SLAMF7: variants seen among roughly 807,000 people sequenced by gnomAD.
The protein encoded by SLAMF7 is SLAM family member 7, also known as 19A24 protein.
Under a neutral mutation model 34.1 loss-of-function variants are expected in SLAMF7, and 26 were observed. That is an observed-to-expected ratio of 0.76 (90% confidence interval 0.56 to 1.06). The LOEUF (loss-of-function observed/expected upper bound fraction) is 1.06. Ranked by LOEUF, SLAMF7 falls within the 50% of genes least tolerant of loss-of-function variation. The pLI is 0.00. For synonymous variants in SLAMF7, 171 were observed against 156.4 expected, an observed-to-expected ratio of 1.09 and a Z score of -0.70; for missense variants, 399 against 402.5, an observed-to-expected ratio of 0.99 and a Z score of 0.07.
chr1:160,740,522 T>C (rs1663657970), intron 1 of SLAMF7, among the ~76,000 whole-genome samples: 1 of 152,124 alleles, frequency 6.6e-6, no homozygotes, highest in South Asian at 2.1e-4. Flanking sequence ...GAGACAGAGA[T>C]TGTCCTGGAA....
intron 5 of SLAMF7, chr1:160,751,840 CTCTCTCTCTCTCTCTCTCTCTCTA>C: frequency 1.7e-5 from 1 of 59,582 alleles, no homozygotes; most frequent in East Asian, 4.1e-4. Flanking sequence ...CTCTCTCTCT[CTCTCTCTCTCTCTCTCTCTCTCTA>C]TATATATATA....
rs201900899 is a variant in SLAMF7 at position 160,744,488 on chromosome 1, G to C, written c.56-3706G>C. Among the ~76,000 whole-genome samples, 9 of 152,264 alleles carry C rather than the reference G, an allele frequency of 5.9e-5. No homozygotes were observed. In the East Asian group the frequency reaches 1.7e-3, roughly 29 times the overall value. ...ATTTGCCCTGTCTCACTCTCAAACT[G>C]TATTCTAACAAGAAACAATGCGTTT... On this transcript the variant is annotated intron_variant, in intron 1 of 6. Coordinates refer to ENST00000368043, the MANE Select transcript of SLAMF7 (RefSeq NM_021181.5).
At chr1:160,739,552 G>C (rs900174771) in intron 1 of SLAMF7, 196 bp downstream of exon 1, 2 of 524,540 alleles carry the variant, frequency 3.8e-6, no homozygotes, top group Non-Finnish European at 6.8e-6. Context: ...ATGGCTCTGG[G>C]AACTGACTCC....
At chr1:160,752,605 C>T (rs1317093795) in intron 6 of SLAMF7, among the ~76,000 whole-genome samples, 1 of 152,192 alleles carries the variant, frequency 6.6e-6, no homozygotes, top group Non-Finnish European at 1.5e-5. Context: ...GTCCAGCTTT[C>T]TCCTGAGACA....
At chr1:160,750,764 G>A (rs3766374) in intron 4 of SLAMF7, 54,732 of 234,384 alleles carry the variant, frequency 0.23, 7,159 homozygotes, top group Non-Finnish European at 0.29. Context: ...GGAGGTGATG[G>A]CCTCCAACTC....
At chr1:160,746,728 A>G (rs994625442) in intron 1 of SLAMF7, among the ~76,000 whole-genome samples, 3 of 152,234 alleles carry the variant, frequency 2.0e-5, no homozygotes, top group African/African-American at 7.2e-5. Flanking sequence ...TGGGCTGCCC[A>G]TAAGGATGAG....
intron 4 of SLAMF7, 124 bp from the exon 5 acceptor site, chr1:160,751,220 CT>C (rs1664545359): frequency 1.4e-6 from 1 of 715,244 alleles, no homozygotes; most frequent in Non-Finnish European, 2.5e-6. Flanking sequence ...CCTGAAAACC[CT>C]TCCATTACAA....
chr1:160,739,695 C>T (rs1663577065), intron 1 of SLAMF7: 1 of 232,804 alleles, frequency 4.3e-6, no homozygotes. Flanking sequence ...GAAACTTTAT[C>T]TTCTAGCCTT....
Position 160,749,977 on chromosome 1 carries a change from C to G in SLAMF7, c.533C>G (p.Ser178Cys), listed in dbSNP as rs188098892. 2.7e-4 allele frequency: 432 copies of G among 1,614,112 alleles called. 1 individual carries two copies. The highest frequency in any genetic ancestry group is 3.2e-4 in the Non-Finnish European group (372 of 1,179,974). The change falls in exon 3 of 7, where the codon TCC (serine) becomes TGC (cysteine). Residue 178 changes from serine (S) to cysteine (C), a missense_variant. Ser to Cys is a moderately radical substitution (Grantham distance 112). Transcript: ENST00000368043. ...GQAANESHNGSILPISWRWGE... is the reference protein window; with the variant it reads ...GQAANESHNGCILPISWRWGE... ...GCAGCCAATGAGTCCCATAATGGGT[C>G]CATCCTCCCCATCTCCTGGAGATGG...
chr1:160,739,282 G>A lies in SLAMF7; in HGVS notation c.-20G>A. ...AGAGGGAAGTGGCTTCATTTCAGTG[G>A]CTGACTTCCAGAGAGCAATATGGCT... On this transcript the variant is annotated 5_prime_UTR_variant, in exon 1 of 7. Coordinates refer to ENST00000368043, the MANE Select transcript of SLAMF7 (RefSeq NM_021181.5). 6.2e-7 allele frequency: 1 copy of A among 1,613,100 alleles called. No homozygotes were observed. Among genetic ancestry groups the A allele is most frequent in the Non-Finnish European group, 8.5e-7 (1 of 1,179,132 alleles).
At chr1:160,749,797 C>G (rs371788328) in intron 2 of SLAMF7, 24 bp from the exon 3 acceptor site, 1 of 1,547,520 alleles carries the variant, frequency 6.5e-7, no homozygotes, top group Admixed American at 2.0e-5. Context: ...GAGTTTCCAC[C>G]TCTGGTTTTC....
In SLAMF7 at chr1:160,745,367, A is replaced by G. The variant is rs531635877; in HGVS notation, c.56-2827A>G. 8.5e-5 allele frequency among the ~76,000 whole-genome samples: 13 copies of G among 152,288 alleles called. No homozygotes were observed. The South Asian group carries it at 2.7e-3, about 32-fold the overall frequency. On this transcript the variant is annotated intron_variant, in intron 1 of 6. Coordinates refer to ENST00000368043, the MANE Select transcript of SLAMF7 (RefSeq NM_021181.5). ...GGGGGATGGAGAAGGGGAGTGAGGG[A>G]GAAGGCTGGAGCTGGTACAAACGCC...
chr1:160,743,305 G>C (rs79747596), intron 1 of SLAMF7, among the ~76,000 whole-genome samples: 2,314 of 152,326 alleles, frequency 0.015, 73 homozygotes, highest in African/African-American at 0.053. Context: ...CATGAACAGA[G>C]AGGAGGATAA....
At chr1:160,749,738 C>A in intron 2 of SLAMF7, 83 bp from the exon 3 acceptor site, 1 of 1,251,006 alleles carries the variant, frequency 8.0e-7, no homozygotes, top group Non-Finnish European at 1.1e-6. Context: ...CAGGGAGATT[C>A]AGGTCCAAGG....
Position 160,740,460 on chromosome 1 carries a change from C to G in SLAMF7, c.55+1104C>G, listed in dbSNP as rs532278862. 3.8e-4 allele frequency among the ~76,000 whole-genome samples: 58 copies of G among 152,234 alleles called. No homozygotes were observed. The South Asian group carries it at 0.012, about 31-fold the overall frequency. On this transcript the variant is annotated intron_variant, in intron 1 of 6. Transcript: ENST00000368043. ...ATGAAAAACTGCCATGCAGGTCCCC[C>G]TCTGCCCTCCTCCAGAGGCAGCCTG...
In SLAMF7 at chr1:160,743,528, G is replaced by A. The variant is rs117158283; in HGVS notation, c.55+4172G>A. ...ATGAGAAGGGCTACCACCTGAACTG[G>A]GTAGCCCAAACCATTTGGCTTGTAC... On this transcript the variant is annotated intron_variant, in intron 1 of 6. Transcript: ENST00000368043. Among the ~76,000 whole-genome samples the A allele has an allele frequency of 2.3e-4, 35 of 152,286 alleles. No homozygotes were observed. In the East Asian group the frequency reaches 6.8e-3, roughly 29 times the overall value.
chr1:160,749,845 C>T lies in SLAMF7; in HGVS notation c.401C>T (p.Thr134Ile), dbSNP rs1664413891. Residue 134 changes from threonine to isoleucine, a missense_variant, in exon 3 of 7, where the codon ACC becomes ATC. Coordinates refer to ENST00000368043, the MANE Select transcript of SLAMF7 (RefSeq NM_021181.5). ...VYEHLSKPKV[T>I]MGLQSNKNGT... Reference sequence around the variant, plus strand: ...GAGCACCTGTCAAAGCCTAAAGTCACCATGGGTCTGCAGAGCAATAAGAAT... The same window carrying T: ...GAGCACCTGTCAAAGCCTAAAGTCATCATGGGTCTGCAGAGCAATAAGAAT... 1 of 1,607,686 alleles carries T rather than the reference C, an allele frequency of 6.2e-7. No individual in the cohort carries two copies. Among genetic ancestry groups the T allele is most frequent in the African/African-American group, 1.3e-5 (1 of 74,788 alleles).
At chr1:160,749,240 A>G (rs1664366035) in intron 2 of SLAMF7, among the ~76,000 whole-genome samples, 1 of 152,220 alleles carries the variant, frequency 6.6e-6, no homozygotes, top group East Asian at 1.9e-4. Flanking sequence ...CAGGGGAGGA[A>G]GAAAAAGGGC....
chr1:160,753,104 A>G lies in SLAMF7; in HGVS notation c.937-2A>G, dbSNP rs1292683330. The G allele has an allele frequency of 1.1e-5, 18 of 1,613,790 alleles. No homozygotes were observed. Among genetic ancestry groups the G allele is most frequent in the Non-Finnish European group, 1.5e-5 (18 of 1,179,904 alleles). On this transcript the variant is annotated splice_acceptor_variant, in intron 6 of 6. Coordinates refer to ENST00000368043, the MANE Select transcript of SLAMF7 (RefSeq NM_021181.5). LOFTEE classifies it high-confidence loss of function. ...CTCTACTTTCTTTTTGTCTGTCTTCAGATGGAAAATCCCCACTCACTGCTC... is the reference window on the plus strand; with the variant it reads ...CTCTACTTTCTTTTTGTCTGTCTTCGGATGGAAAATCCCCACTCACTGCTC...
Sources: allele counts gnomAD v4.1 joint callset (sites outside exome capture counted in the v4.1 genomes callset), GRCh38; gene constraint gnomAD v4.1.1; transcripts MANE v1.5; gene names NCBI Gene and HGNC (gene_info 2026-07-23, HGNC 2026-07-21).